KCNH7: variants seen among roughly 807,000 people sequenced by gnomAD.
KCNH7 encodes potassium voltage-gated channel subfamily H member 7.
In KCNH7, 49 loss-of-function variants were observed where a neutral mutation model predicts 120.8. The ratio of observed to expected loss-of-function variants is 0.41; its 90% CI spans 0.32 to 0.51. The LOEUF is 0.51. Ranked by LOEUF, KCNH7 falls within the 20% of genes least tolerant of loss-of-function variation. The pLI, the probability that KCNH7 is intolerant of heterozygous loss-of-function variation, is 0.38. For synonymous variants in KCNH7, 547 were observed against 516.1 expected, an observed-to-expected ratio of 1.06 and a Z score of -0.81; for missense variants, 1,097 against 1,446.6, an observed-to-expected ratio of 0.76 and a Z score of 3.92.
chr2:162,786,067 C>G (rs747114394), intron 2 of KCNH7, among the ~76,000 whole-genome samples: 1 of 151,676 alleles, frequency 6.6e-6, no homozygotes, highest in African/African-American at 2.4e-5. Flanking sequence ...ATTGTGAAAC[C>G]CCATCTCTAA....
intron 2 of KCNH7, among the ~76,000 whole-genome samples, chr2:162,734,891 C>A (rs1242889228): frequency 6.6e-6 from 1 of 152,040 alleles, no homozygotes; most frequent in African/African-American, 2.4e-5. Context: ...AAAGGAATCA[C>A]AAATGAAAGC....
At chr2:162,639,834 T>C (rs1684086507) in intron 2 of KCNH7, among the ~76,000 whole-genome samples, 2 of 152,100 alleles carry the variant, frequency 1.3e-5, no homozygotes, top group Non-Finnish European at 2.9e-5. Context: ...CTAAGGAATC[T>C]GCCGAAAATC....
At chr2:162,826,640 A>G (rs907891143) in intron 2 of KCNH7, among the ~76,000 whole-genome samples, 1 of 152,144 alleles carries the variant, frequency 6.6e-6, no homozygotes, top group Non-Finnish European at 1.5e-5. Context: ...TGGTGAATGC[A>G]TGAATGAATG....
At chr2:162,389,173 T>C (rs1358023986) in intron 12 of KCNH7, among the ~76,000 whole-genome samples, 4 of 151,916 alleles carry the variant, frequency 2.6e-5, no homozygotes, top group African/African-American at 9.7e-5. Context: ...TTTTCGTGCT[T>C]GGCAGTTTGT....
intron 2 of KCNH7, among the ~76,000 whole-genome samples, chr2:162,743,327 C>A (rs1688203810): frequency 6.6e-6 from 1 of 151,578 alleles, no homozygotes; most frequent in Non-Finnish European, 1.5e-5. Context: ...TCAGAAAGAG[C>A]AATTTCTAAG....
intron 2 of KCNH7, among the ~76,000 whole-genome samples, chr2:162,798,338 C>A (rs2105535982): frequency 6.6e-6 from 1 of 152,060 alleles, no homozygotes; most frequent in Admixed American, 6.6e-5. Flanking sequence ...GAAAAAAATT[C>A]ATATAAGAAA....
chr2:162,826,131 A>G (rs1685279303), intron 2 of KCNH7, among the ~76,000 whole-genome samples: 1 of 152,068 alleles, frequency 6.6e-6, no homozygotes, highest in African/African-American at 2.4e-5. Context: ...CCATGACCCA[A>G]GGTTTGGAAA....
At position 162,435,352 on chromosome 2, in the gene KCNH7, A is replaced by C. The variant is rs775178219; in HGVS notation, c.1800T>G (p.Asn600Lys). Residue 600 changes from asparagine to lysine, a missense_variant, in exon 8 of 16, where the codon AAT (asparagine) becomes AAG (lysine). By Grantham distance (94) the Asn-to-Lys change is moderately conservative. This residue lies in a region of KCNH7 where 36 missense variants were observed against 46.8 expected (regional missense o/e 0.77). Transcript: ENST00000332142. ...SLGQQIGKRY[N>K]DSDSSSGPSI... ...ATGGTCCAGAACTTGAGTCACTGTC[A>C]TTGTAACGTTTCCCAATTTGCTGTC... The C allele has an allele frequency of 6.2e-7, 1 of 1,613,872 alleles. No individual in the cohort carries two copies. Among genetic ancestry groups the C allele is most frequent in the East Asian group, 2.2e-5 (1 of 44,870 alleles).
At chr2:162,733,844 T>G (rs1455600364) in intron 2 of KCNH7, among the ~76,000 whole-genome samples, 3 of 152,174 alleles carry the variant, frequency 2.0e-5, no homozygotes, top group African/African-American at 7.2e-5. Context: ...TGTAAAATGG[T>G]ATAAATATTT....
chr2:162,643,266 ATT>A (rs771854160), intron 2 of KCNH7, among the ~76,000 whole-genome samples: 1 of 146,184 alleles, frequency 6.8e-6, no homozygotes. Context: ...CAGACTATTG[ATT>A]TTTTTTTTTT....
chr2:162,652,437 G>C (rs893293008), intron 2 of KCNH7, among the ~76,000 whole-genome samples: 1 of 152,096 alleles, frequency 6.6e-6, no homozygotes, highest in African/African-American at 2.4e-5. Flanking sequence ...AGTGTGGGGG[G>C]AGGGGTAGTG....
chr2:162,658,823 AT>A (rs1162689966), intron 2 of KCNH7, among the ~76,000 whole-genome samples: 1 of 152,176 alleles, frequency 6.6e-6, no homozygotes, highest in Admixed American at 6.5e-5. Flanking sequence ...TTAGCCTTGT[AT>A]TTTACAACCT....
intron 2 of KCNH7, among the ~76,000 whole-genome samples, chr2:162,777,398 C>A (rs1481808505): frequency 1.3e-5 from 2 of 151,978 alleles, no homozygotes; most frequent in Non-Finnish European, 2.9e-5. Context: ...AAAGTCTGTA[C>A]ATGTTTAGTA....
chr2:162,778,946 CT>C (rs200107249), intron 2 of KCNH7, among the ~76,000 whole-genome samples: 313 of 136,384 alleles, frequency 2.3e-3, no homozygotes, highest in Non-Finnish European at 2.2e-3. Flanking sequence ...GGAACAAATT[CT>C]TTTTTTTTTT....
At chr2:162,609,795 C>T (rs1682899984) in intron 2 of KCNH7, among the ~76,000 whole-genome samples, 1 of 152,206 alleles carries the variant, frequency 6.6e-6, no homozygotes, top group African/African-American at 2.4e-5. Flanking sequence ...CCTGAATAGT[C>T]AACAATTTGA....
chr2:162,564,945 G>A (rs1303577454), intron 2 of KCNH7, among the ~76,000 whole-genome samples: 2 of 152,030 alleles, frequency 1.3e-5, no homozygotes, highest in Non-Finnish European at 2.9e-5. Context: ...ACATGTTATT[G>A]GGAGCCATTT....
chr2:162,510,171 A>G (rs1417698733), intron 5 of KCNH7, among the ~76,000 whole-genome samples: 2 of 151,686 alleles, frequency 1.3e-5, no homozygotes, highest in Non-Finnish European at 3.0e-5. Flanking sequence ...CTCTTTCACA[A>G]TGGTTTACAT....
intron 2 of KCNH7, among the ~76,000 whole-genome samples, chr2:162,602,234 C>T (rs1694583309): frequency 6.6e-6 from 1 of 151,974 alleles, no homozygotes. Context: ...GAGTGAGAGC[C>T]AAACCACAAC....
intron 8 of KCNH7, among the ~76,000 whole-genome samples, chr2:162,434,268 C>A (rs1042723944): frequency 1.3e-5 from 2 of 151,992 alleles, no homozygotes; most frequent in African/African-American, 4.8e-5. Context: ...TGAAAAACTA[C>A]CTATTGGGTA....
Sources: gnomAD v4.1 joint callset for allele counts (sites outside exome capture counted in the v4.1 genomes callset) on GRCh38, gnomAD v4.1.1 for gene constraint, gnomAD v4.1.1 regional missense constraint, MANE v1.5 for transcripts, NCBI Gene and HGNC (gene_info 2026-07-23, HGNC 2026-07-21) for gene names.